Variants in PIK3R3 observed in about 807,000 individuals in gnomAD.
The protein encoded by PIK3R3 is phosphatidylinositol 3-kinase regulatory subunit gamma.
Under a neutral mutation model 62.9 loss-of-function variants are expected in PIK3R3, and 64 were observed. That is an observed-to-expected ratio of 1.02 (90% CI 0.83 to 1.25). PIK3R3 has a LOEUF of 1.25. PIK3R3 is among the 50% of genes most tolerant of loss of function. PIK3R3 has a pLI of 0.00. For missense variants in PIK3R3, 614 were observed against 561.6 expected, an observed-to-expected ratio of 1.09 and a Z score of -0.94; for synonymous variants, 165 against 189.0, an observed-to-expected ratio of 0.87 and a Z score of 1.04.
chr1:46,128,780 G>C (rs1655308046), intron 1 of PIK3R3, among the ~76,000 whole-genome samples: 1 of 152,184 alleles, frequency 6.6e-6, no homozygotes, highest in South Asian at 2.1e-4. Context: ...AATTTCATCT[G>C]AGAAGTGCTA....
upstream of PIK3R3, among the ~76,000 whole-genome samples, chr1:46,135,402 A>G (rs1256723596): frequency 1.3e-5 from 2 of 152,172 alleles, no homozygotes; most frequent in East Asian, 1.9e-4. Flanking sequence ...TTATATATCT[A>G]TGAAATAGAT....
At chr1:46,148,517 G>A in the PIK3R3 span, among the ~76,000 whole-genome samples, 4 of 152,124 alleles carry the variant, frequency 2.6e-5, no homozygotes, top group South Asian at 4.1e-4. Context: ...GCCTAGCTTG[G>A]ATCACATGCT....
At chr1:46,101,950 A>C (rs1243977222) in intron 1 of PIK3R3, among the ~76,000 whole-genome samples, 2 of 149,236 alleles carry the variant, frequency 1.3e-5, no homozygotes, top group Non-Finnish European at 3.0e-5. Context: ...AAAATTAACA[A>C]TGTAATGTAT....
intron 6 of PIK3R3, among the ~76,000 whole-genome samples, chr1:46,057,894 T>G (rs1245192852): frequency 6.6e-6 from 1 of 152,182 alleles, no homozygotes; most frequent in Non-Finnish European, 1.5e-5. Context: ...CTGCAGAAAT[T>G]TGCATAAGTA....
chr1:46,108,948 A>C (rs1353629623), intron 1 of PIK3R3, among the ~76,000 whole-genome samples: 1 of 152,236 alleles, frequency 6.6e-6, no homozygotes, highest in Non-Finnish European at 1.5e-5. Context: ...TCACGAGGTC[A>C]GGAGATCGAG....
chr1:46,169,260 T>G, the PIK3R3 span, among the ~76,000 whole-genome samples: 2 of 152,208 alleles, frequency 1.3e-5, no homozygotes, highest in South Asian at 4.1e-4. Flanking sequence ...GCATCTTATC[T>G]ACCCTCCCTG....
At chr1:46,111,737 G>A (rs1041473710) in intron 1 of PIK3R3, among the ~76,000 whole-genome samples, 1 of 94,826 alleles carries the variant, frequency 1.1e-5, no homozygotes, top group Non-Finnish European at 2.7e-5. Context: ...AAAAAAGGGT[G>A]GGGGGGCATG....
intron 1 of PIK3R3, among the ~76,000 whole-genome samples, chr1:46,118,761 G>A (rs1654410263): frequency 1.3e-5 from 2 of 151,726 alleles, no homozygotes; most frequent in African/African-American, 2.4e-5. Flanking sequence ...TTGTCATGTT[G>A]GCCAGGCTGG....
At chr1:46,131,700 A>G in intron 1 of PIK3R3, 147 bp downstream of exon 1, 3 of 731,812 alleles carry the variant, frequency 4.1e-6, no homozygotes, top group Non-Finnish European at 7.2e-6. Flanking sequence ...GTAAACCAGA[A>G]GCAGTTTTAC....
At position 46,041,011 on chromosome 1, in the gene PIK3R3, G is replaced by T. The variant is rs80156643; in HGVS notation, c.*2662C>A. ...AAGCTGCTTGCATGTCAGTAGCTGG[G>T]TTCTCTAGCCAGGGGTATAATGAAC... On this transcript the variant is annotated 3_prime_UTR_variant, in exon 10 of 10. Transcript: ENST00000262741. The T allele has an allele frequency of 2.9e-4, 48 of 166,460 alleles. No homozygotes were observed. The East Asian group carries it at 4.4e-3, about 15-fold the overall frequency. The allele number at this position is 166,460 out of a possible 1,614,324, so 10.3% of individuals were successfully genotyped here.
intron 8 of PIK3R3, 44 bp downstream of exon 8, chr1:46,046,507 T>C: frequency 1.6e-6 from 2 of 1,277,470 alleles, no homozygotes; most frequent in Non-Finnish European, 2.3e-6. Context: ...ATGTCTTATA[T>C]TGATAACAAA....
At chr1:46,169,439 C>A in the PIK3R3 span, among the ~76,000 whole-genome samples, 453 of 152,206 alleles carry the variant, frequency 3.0e-3, 2 homozygotes, top group African/African-American at 0.01. Context: ...CCTGAAGCTG[C>A]CTGATACTTT....
chr1:46,070,469 G>A (rs768752036), intron 3 of PIK3R3, among the ~76,000 whole-genome samples: 1 of 152,204 alleles, frequency 6.6e-6, no homozygotes, highest in Non-Finnish European at 1.5e-5. Context: ...GGGAAGAAAG[G>A]CTGTCCTTTA....
At chr1:46,129,406 T>G (rs982640373) in intron 1 of PIK3R3, among the ~76,000 whole-genome samples, 1,899 of 80,254 alleles carry the variant, frequency 0.024, 25 homozygotes, top group African/African-American at 0.068. Context: ...GGGGATTTTA[T>G]TTATTTATTT....
upstream of PIK3R3, among the ~76,000 whole-genome samples, chr1:46,136,693 A>G (rs1238182895): frequency 6.6e-6 from 1 of 152,204 alleles, no homozygotes; most frequent in African/African-American, 2.4e-5. Flanking sequence ...CATGTGATGT[A>G]GATCTGCTCT....
At chr1:46,084,077 T>G (rs1453062999) in intron 1 of PIK3R3, among the ~76,000 whole-genome samples, 2 of 152,210 alleles carry the variant, frequency 1.3e-5, no homozygotes, top group African/African-American at 4.8e-5. Flanking sequence ...TACAATAGAT[T>G]ATTCAGCAAT....
chr1:46,104,853 G>A (rs1417887961), intron 1 of PIK3R3: 8 of 421,834 alleles, frequency 1.9e-5, no homozygotes, highest in South Asian at 3.1e-5. Context: ...ACTTGAACCC[G>A]GGATGTGGAG....
At chr1:46,092,615 G>A (rs892047873) in intron 1 of PIK3R3, among the ~76,000 whole-genome samples, 6 of 151,998 alleles carry the variant, frequency 3.9e-5, no homozygotes, top group Admixed American at 6.6e-5. Context: ...CGCCTGCCTC[G>A]GCCTCTCAAA....
the PIK3R3 span, among the ~76,000 whole-genome samples, chr1:46,159,204 T>C: frequency 6.6e-6 from 1 of 152,362 alleles, no homozygotes; most frequent in South Asian, 2.1e-4. Flanking sequence ...ATAGCACTTA[T>C]CTCCATCTGT....
Sources: gnomAD v4.1 joint callset for allele counts (sites outside exome capture counted in the v4.1 genomes callset) on GRCh38, gnomAD v4.1.1 for gene constraint, MANE v1.5 for transcripts, NCBI Gene and HGNC (gene_info 2026-07-23, HGNC 2026-07-21) for gene names.